Variants in STAB2 observed in about 807,000 individuals in gnomAD.
STAB2 encodes the protein stabilin 2.
Under a neutral mutation model 338.1 loss-of-function variants are expected in STAB2, and 288 were observed. The observed-to-expected ratio is 0.85, with a 90% CI of 0.77 to 0.94. The LOEUF is 0.94. Ranked by LOEUF, STAB2 falls within the 40% of genes least tolerant of loss-of-function variation. The pLI is 0.00. For missense variants in STAB2, 3,141 were observed against 3,210.1 expected (o/e 0.98, Z 0.52); for synonymous variants, 1,202 against 1,193.3 (o/e 1.01, Z -0.15).
rs766363067 is a variant in STAB2, at chr12:103,692,908, C to T, written c.3375+19C>T. On this transcript the variant is annotated intron_variant, in intron 31 of 68. Coordinates refer to ENST00000388887, the MANE Select transcript of STAB2 (RefSeq NM_017564.10). ...CAACAAGGTACAAGATTCCATTCTC[C>T]TGTGCGTGCAGCATCTCTTTTCCCT... is the stretch of plus-strand genomic sequence containing the variant. The T allele has an allele frequency of 6.2e-6, 10 of 1,600,882 alleles. No individual in the cohort carries two copies. Among genetic ancestry groups the T allele is most frequent in the Non-Finnish European group, 6.8e-6 (8 of 1,168,722 alleles).
intron 50 of STAB2, among the ~76,000 whole-genome samples, 186 bp from the exon 51 acceptor site, chr12:103,732,820 A>T (rs1041865107): frequency 6.6e-6 from 1 of 152,126 alleles, no homozygotes; most frequent in Non-Finnish European, 1.5e-5. Flanking sequence ...TAAGAAAAAA[A>T]ATTGTAGGTC....
chr12:103,739,487 A>G lies in STAB2; in HGVS notation c.5754+19A>G. 1 of 1,567,716 alleles carries G rather than the reference A, an allele frequency of 6.4e-7. No homozygotes were observed. Among genetic ancestry groups the G allele is most frequent in the Non-Finnish European group, 8.6e-7 (1 of 1,156,544 alleles). On this transcript the variant is annotated intron_variant, in intron 54 of 68. Transcript: ENST00000388887. ...ACCAAAGGTAATTAAGACTGCAGTG[A>G]TAATGTTTGGAGAGCCATAGGTCTG...
chr12:103,648,859 T>G, intron 10 of STAB2, 36 bp downstream of exon 10: 1 of 1,603,388 alleles, frequency 6.2e-7, no homozygotes, highest in Non-Finnish European at 8.5e-7. Flanking sequence ...CACACAAAAG[T>G]CCTCTTTCAG....
At chr12:103,727,110 G>T (rs193005962) in intron 46 of STAB2, among the ~76,000 whole-genome samples, 157 bp from the exon 47 acceptor site, 1 of 152,120 alleles carries the variant, frequency 6.6e-6, no homozygotes, top group Non-Finnish European at 1.5e-5. Context: ...TTTCAACGAC[G>T]GAGAATCTGG....
intron 61 of STAB2, among the ~76,000 whole-genome samples, chr12:103,754,527 G>C (rs976494798): frequency 3.3e-5 from 5 of 152,098 alleles, no homozygotes; most frequent in African/African-American, 7.2e-5. Flanking sequence ...CCTGACCCCA[G>C]ATAAGCTCCC....
At position 103,594,447 on chromosome 12, in the gene STAB2, A is replaced by G. The variant is rs1956846182; in HGVS notation, c.268A>G (p.Ile90Val). The G allele has an allele frequency of 6.2e-7, 1 of 1,613,780 alleles. No individual in the cohort carries two copies. The highest frequency in any genetic ancestry group is 1.3e-5 in the African/African-American group (1 of 74,874). ...YSLSLPGCRH[I>V]CRKDYLQPRC... is the part of the protein sequence containing the mutation. The stretch of plus-strand genomic sequence containing the variant: ...TCTGTCTCTCCCCGGATGCCGCCAT[A>G]TTTGTAGGAAGGACTATCTCCAACC... The change falls in exon 3 of 69, where the codon ATT becomes GTT. Residue 90 changes from isoleucine (I) to valine (V), a missense_variant. Coordinates refer to ENST00000388887, the MANE Select transcript of STAB2 (RefSeq NM_017564.10).
intron 9 of STAB2, among the ~76,000 whole-genome samples, chr12:103,641,409 C>T (rs892121489): frequency 9.9e-5 from 15 of 152,162 alleles, no homozygotes; most frequent in African/African-American, 3.6e-4. Context: ...TACCTCCCAC[C>T]AGGGCTGTGC....
At position 103,759,185 on chromosome 12, in the gene STAB2, TC is replaced by T. The variant is rs1478937190; in HGVS notation, c.7161del (p.Tyr2388ThrfsTer59). 6.2e-7 allele frequency: 1 copy of T among 1,614,084 alleles called. No individual in the cohort carries two copies. The highest frequency in any genetic ancestry group is 2.2e-5 in the East Asian group (1 of 44,894). The part of the protein sequence containing the change: ...EHHLANVSMF[F>X]YNDLVNGTTL... ...CACCTCGCCAATGTCAGCATGTTTTTCTACAATGACCTTGTCAATGGCACCA... is the reference window on the plus strand; with the variant it reads ...CACCTCGCCAATGTCAGCATGTTTTTTACAATGACCTTGTCAATGGCACCA... On this transcript the variant is annotated frameshift_variant, in exon 65 of 69. Coordinates refer to ENST00000388887, the MANE Select transcript of STAB2 (RefSeq NM_017564.10). LOFTEE classifies it high-confidence loss of function.
intron 17 of STAB2, among the ~76,000 whole-genome samples, chr12:103,661,568 A>G (rs1874623095): frequency 6.6e-6 from 1 of 152,248 alleles, no homozygotes; most frequent in South Asian, 2.1e-4. Context: ...TATATCATCT[A>G]TTAGACAGCA....
At position 103,677,647 on chromosome 12, in the gene STAB2, G is replaced by A. The variant is rs771472870; in HGVS notation, c.2805+36G>A. Reference sequence around the variant, plus strand: ...TGTCATGAGAGCAAAGAGAAAGCAGGAATCCTGCAGTGACTTTGCTTTCCC... The same window carrying A: ...TGTCATGAGAGCAAAGAGAAAGCAGAAATCCTGCAGTGACTTTGCTTTCCC... On this transcript the variant is annotated intron_variant, in intron 25 of 68. Transcript: ENST00000388887. 1.9e-6 allele frequency: 3 copies of A among 1,588,162 alleles called. No homozygotes were observed. The East Asian group carries it at 6.8e-5, about 36-fold the overall frequency.
At chr12:103,729,315 T>C (rs1476240993) in intron 48 of STAB2, among the ~76,000 whole-genome samples, 1 of 152,080 alleles carries the variant, frequency 6.6e-6, no homozygotes, top group African/African-American at 2.4e-5. Flanking sequence ...AGTTTACCTG[T>C]GTAGCAAACC....
chr12:103,644,940 T>C (rs544054509), intron 9 of STAB2, among the ~76,000 whole-genome samples: 1 of 152,144 alleles, frequency 6.6e-6, no homozygotes, highest in Non-Finnish European at 1.5e-5. Context: ...ACACCTACTA[T>C]GTACCCACAA....
At chr12:103,663,081 G>A (rs571273195) in intron 18 of STAB2, 83 bp downstream of exon 18, 2 of 1,533,844 alleles carry the variant, frequency 1.3e-6, no homozygotes, top group East Asian at 2.3e-5. Context: ...TTCTGAGAAA[G>A]GTGTCAAAGA....
chr12:103,699,266 A>G (rs1878660874), intron 34 of STAB2, 39 bp downstream of exon 34: 1 of 1,585,412 alleles, frequency 6.3e-7, no homozygotes, highest in Non-Finnish European at 8.6e-7. Context: ...AATGCCACCG[A>G]GAATTACATC....
At chr12:103,699,025 A>C in intron 33 of STAB2, 71 bp from the exon 34 acceptor site, 3 of 1,533,956 alleles carry the variant, frequency 2.0e-6, no homozygotes, top group Non-Finnish European at 2.6e-6. Flanking sequence ...CCACAGTGAC[A>C]GCACATGGGA....
chr12:103,763,896 GAA>G (rs1323009943), intron 68 of STAB2: 2 of 263,510 alleles, frequency 7.6e-6, no homozygotes, highest in East Asian at 7.1e-5. Flanking sequence ...ATGCCACAGT[GAA>G]AAAAAGTCTT....
At chr12:103,659,031 T>G (rs1369082124) in intron 15 of STAB2, among the ~76,000 whole-genome samples, 1 of 152,192 alleles carries the variant, frequency 6.6e-6, no homozygotes, top group African/African-American at 2.4e-5. Flanking sequence ...TAAGTTGAGA[T>G]GTAAAGGCTA....
intron 3 of STAB2, among the ~76,000 whole-genome samples, chr12:103,619,939 T>C (rs1475817620): frequency 6.6e-6 from 1 of 152,156 alleles, no homozygotes; most frequent in Non-Finnish European, 1.5e-5. Context: ...AAAAGCCCCA[T>C]TTAAATAACT....
intron 40 of STAB2, among the ~76,000 whole-genome samples, 170 bp from the exon 41 acceptor site, chr12:103,712,197 T>G (rs1208157300): frequency 6.6e-6 from 1 of 152,178 alleles, no homozygotes. Flanking sequence ...TTTTAGCTGC[T>G]TGTGGTGGGG....
Sources: allele counts gnomAD v4.1 joint callset (sites outside exome capture counted in the v4.1 genomes callset), GRCh38; gene constraint gnomAD v4.1.1; transcripts MANE v1.5; gene names NCBI Gene and HGNC (gene_info 2026-07-23, HGNC 2026-07-21).